DCDC1: variants seen among roughly 807,000 people sequenced by gnomAD.
DCDC1 encodes the protein doublecortin domain-containing protein 1.
DCDC1 carries 200 observed loss-of-function variants against 178.3 expected under a neutral mutation model. That is an observed-to-expected ratio of 1.12 (90% confidence interval 1.00 to 1.26). The LOEUF (loss-of-function observed/expected upper bound fraction) is 1.26, where lower values mean the gene tolerates loss of function less well. Among genes scored for constraint, DCDC1 ranks in the 50% most tolerant of loss-of-function variants. The pLI is 0.00. For synonymous variants in DCDC1, 690 were observed against 604.8 expected (o/e 1.14, Z -2.07); for missense variants, 1,983 against 1,749.2 (o/e 1.13, Z -2.38).
At chr11:31,085,573 T>C (rs1957421981) in intron 17 of DCDC1, among the ~76,000 whole-genome samples, 1 of 152,102 alleles carries the variant, frequency 6.6e-6, no homozygotes, top group Non-Finnish European at 1.5e-5. Flanking sequence ...ATATCAAGAG[T>C]TTATTCCTTT....
intron 20 of DCDC1, among the ~76,000 whole-genome samples, chr11:31,055,554 G>A (rs289091): frequency 3.5e-4 from 54 of 152,284 alleles, no homozygotes; most frequent in African/African-American, 1.3e-3. Context: ...TTGCACATGC[G>A]TGTTTATAGC....
At chr11:31,151,066 C>T (rs530620049) in intron 9 of DCDC1, among the ~76,000 whole-genome samples, 7 of 152,266 alleles carry the variant, frequency 4.6e-5, no homozygotes, top group African/African-American at 1.2e-4. Flanking sequence ...GTTCTGGGCA[C>T]GGCAGATACA....
intron 1 of DCDC1, among the ~76,000 whole-genome samples, chr11:31,349,411 T>C (rs763027740): frequency 2.6e-5 from 4 of 152,166 alleles, no homozygotes; most frequent in Non-Finnish European, 4.4e-5. Flanking sequence ...TACCAACTAT[T>C]TCCAGACTTT....
chr11:31,134,347 A>G (rs532664498), intron 10 of DCDC1, among the ~76,000 whole-genome samples: 2 of 152,322 alleles, frequency 1.3e-5, no homozygotes, highest in African/African-American at 2.4e-5. Context: ...ATCCATCCCC[A>G]GGTTAGCACC....
chr11:31,146,159 G>A (rs1964429947), intron 9 of DCDC1, among the ~76,000 whole-genome samples: 1 of 146,390 alleles, frequency 6.8e-6, no homozygotes, highest in Non-Finnish European at 1.5e-5. Context: ...TGCAACCTCC[G>A]CCTCCCAGGT....
intron 20 of DCDC1, among the ~76,000 whole-genome samples, chr11:30,978,828 C>CACACA (rs1565147912): frequency 0.051 from 6,510 of 126,872 alleles, 258 homozygotes; most frequent in African/African-American, 0.071. Flanking sequence ...ACACACACAC[C>CACACA]CCCTTCTCAG....
chr11:30,912,099 C>A (rs273601), intron 27 of DCDC1, among the ~76,000 whole-genome samples: 5 of 151,730 alleles, frequency 3.3e-5, no homozygotes, highest in Admixed American at 6.6e-5. Context: ...AGGAATGTGA[C>A]GTGATGTTCT....
intron 7 of DCDC1, among the ~76,000 whole-genome samples, chr11:31,286,863 C>G (rs2137348267): frequency 6.6e-6 from 1 of 152,100 alleles, no homozygotes; most frequent in African/African-American, 2.4e-5. Context: ...AAACCTCTTA[C>G]TGAAAAGAGG....
intron 9 of DCDC1, among the ~76,000 whole-genome samples, chr11:31,142,193 T>C (rs1026333111): frequency 6.6e-6 from 1 of 152,202 alleles, no homozygotes; most frequent in Admixed American, 6.5e-5. Flanking sequence ...TTAATTTGTA[T>C]CTGGAAATTC....
At chr11:31,223,381 T>C (rs1173305800) in intron 9 of DCDC1, among the ~76,000 whole-genome samples, 1 of 152,184 alleles carries the variant, frequency 6.6e-6, no homozygotes, top group Non-Finnish European at 1.5e-5. Context: ...AATGAGAATC[T>C]TATAAATTGC....
intron 36 of DCDC1, among the ~76,000 whole-genome samples, chr11:30,888,024 G>C (rs375449617): frequency 1.5e-5 from 2 of 132,240 alleles, no homozygotes; most frequent in African/African-American, 6.4e-5. Context: ...GAAAGAAAGA[G>C]AGAGAGAGAG....
At chr11:30,986,840 T>C (rs999247265) in intron 20 of DCDC1, among the ~76,000 whole-genome samples, 5 of 152,234 alleles carry the variant, frequency 3.3e-5, no homozygotes, top group African/African-American at 9.6e-5. Flanking sequence ...ATTCCAAATA[T>C]AATAGAGTAA....
At position 30,911,382 on chromosome 11, in the gene DCDC1, G is replaced by T. The variant is rs1805803074; in HGVS notation, c.3692C>A (p.Ala1231Glu). ...ATTTCTAGTCTTGGTCATAGACACT[G>T]CCAGCACAAGGTCAGGGTTACTCAC... ...HLVSNPDLVL[A>E]VSMTKTRNEV... Residue 1231 changes from alanine to glutamate, a missense_variant, in exon 28 of 39, where the codon GCA (alanine) becomes GAA (glutamate). Physicochemically the swap from Ala to Glu is moderately radical, Grantham distance 107. Transcript: ENST00000684477. The T allele has an allele frequency of 1.9e-6, 3 of 1,604,882 alleles. No homozygotes were observed. The highest frequency in any genetic ancestry group is 2.7e-5 in the African/African-American group (2 of 74,806).
Position 30,894,259 on chromosome 11 carries a change from T to A in DCDC1, c.4891A>T (p.Arg1631Ter). The A allele has an allele frequency of 6.2e-7, 1 of 1,613,728 alleles. No homozygotes were observed. The highest frequency in any genetic ancestry group is 8.5e-7 in the Non-Finnish European group (1 of 1,179,794). The change falls in exon 35 of 39, where the codon AGA becomes TGA. Residue 1631 changes from arginine (R) to a stop codon, truncating the protein, a stop_gained. Coordinates refer to ENST00000684477, the MANE Select transcript of DCDC1 (RefSeq NM_001387274.1). LOFTEE classifies it high-confidence loss of function. ...QQEIKLMELI[R>*]HTEAHLSEIQ... ...CCCAAAGAACATACCTCTGTATGTCTTATAAGTTCCATGAGTTTAATTTCC... is the reference window on the plus strand; with the variant it reads ...CCCAAAGAACATACCTCTGTATGTCATATAAGTTCCATGAGTTTAATTTCC...
At chr11:31,275,769 G>A (rs980636517) in intron 7 of DCDC1, among the ~76,000 whole-genome samples, 1 of 152,168 alleles carries the variant, frequency 6.6e-6, no homozygotes, top group African/African-American at 2.4e-5. Flanking sequence ...CTCCCAAAGA[G>A]CCACTGTGCC....
intron 9 of DCDC1, among the ~76,000 whole-genome samples, chr11:31,224,294 T>C (rs922271223): frequency 2.6e-5 from 4 of 151,946 alleles, no homozygotes; most frequent in Non-Finnish European, 5.9e-5. Flanking sequence ...GGTGCTGGGA[T>C]AACTAGCAAG....
At chr11:30,980,572 G>C (rs1476103849) in intron 20 of DCDC1, among the ~76,000 whole-genome samples, 1 of 152,206 alleles carries the variant, frequency 6.6e-6, no homozygotes, top group Non-Finnish European at 1.5e-5. Flanking sequence ...GTGTTGGATA[G>C]AGTTGTGGCT....
chr11:31,187,075 C>A (rs1483466936), intron 9 of DCDC1, among the ~76,000 whole-genome samples: 1 of 152,162 alleles, frequency 6.6e-6, no homozygotes, highest in African/African-American at 2.4e-5. Flanking sequence ...TTAACTCCAG[C>A]CTCACTGGCC....
At chr11:30,874,537 A>G (rs1012669485) in intron 38 of DCDC1, among the ~76,000 whole-genome samples, 1 of 152,070 alleles carries the variant, frequency 6.6e-6, no homozygotes, top group Non-Finnish European at 1.5e-5. Context: ...GAGGGAGAAA[A>G]AGTAATGGAA....
Sources: gnomAD v4.1 joint callset for allele counts (sites outside exome capture counted in the v4.1 genomes callset) on GRCh38, gnomAD v4.1.1 for gene constraint, MANE v1.5 for transcripts, NCBI Gene and HGNC (gene_info 2026-07-23, HGNC 2026-07-21) for gene names.